CHD1: variants seen among roughly 807,000 people sequenced by gnomAD.
CHD1 encodes ATP-dependent chromatin remodeler CHD1.
In CHD1, 36 loss-of-function variants were observed where a neutral mutation model predicts 224.2. That is an observed-to-expected ratio of 0.16 (90% CI 0.12 to 0.21). The LOEUF (loss-of-function observed/expected upper bound fraction) is 0.21, where lower values mean the gene tolerates loss of function less well. Ranked by LOEUF, CHD1 falls within the 10% of genes least tolerant of loss-of-function variation. The pLI is 1.00. For missense variants in CHD1, 1,378 were observed against 1,994.8 expected (o/e 0.69, Z 5.89); for synonymous variants, 668 against 658.3 (o/e 1.01, Z -0.23).
chr5:98,897,957 C>G (rs1398247481), intron 10 of CHD1, among the ~76,000 whole-genome samples: 3 of 152,064 alleles, frequency 2.0e-5, no homozygotes, highest in African/African-American at 7.2e-5. Flanking sequence ...TCACCATAAC[C>G]AACTCATCTT....
intron 2 of CHD1, among the ~76,000 whole-genome samples, chr5:98,911,687 C>T (rs1412955763): frequency 1.3e-5 from 2 of 152,170 alleles, no homozygotes; most frequent in African/African-American, 2.4e-5. Flanking sequence ...CAACACGGTT[C>T]TCCAGCCTGG....
intron 2 of CHD1, among the ~76,000 whole-genome samples, chr5:98,923,692 C>T (rs1041673883): frequency 2.6e-5 from 4 of 152,124 alleles, no homozygotes; most frequent in Admixed American, 6.5e-5. Flanking sequence ...GGATTACAGG[C>T]GTAAGCCACC....
chr5:98,917,991 T>C lies in CHD1; in HGVS notation c.53+8343A>G, dbSNP rs192212960. Among the ~76,000 whole-genome samples, 69 of 152,274 alleles carry C rather than the reference T, an allele frequency of 4.5e-4. 4 individuals are homozygous for C. In the East Asian group the frequency reaches 7.9e-3, roughly 17 times the overall value. On this transcript the variant is annotated intron_variant, in intron 2 of 35. Transcript: ENST00000614616. The stretch of plus-strand genomic sequence containing the variant: ...ATTCACGTGGGGAATACAGTCCCCA[T>C]TGGCAGTGTTTTTTCTGCTATGCTT...
At chr5:98,883,680 C>T (rs1750365929) in intron 18 of CHD1, among the ~76,000 whole-genome samples, 1 of 151,404 alleles carries the variant, frequency 6.6e-6, no homozygotes, top group Non-Finnish European at 1.5e-5. Flanking sequence ...GCACAATTTG[C>T]AACTGCAACA....
chr5:98,918,139 G>C lies in CHD1; in HGVS notation c.53+8195C>G, dbSNP rs988140005. On this transcript the variant is annotated intron_variant, in intron 2 of 35. Transcript: ENST00000614616. Reference sequence around the variant, plus strand: ...GTGGCACGATCTCGGCTCACTGCAAGCTCTGCCTCCTGGGTTCATGCCATT... The same window carrying C: ...GTGGCACGATCTCGGCTCACTGCAACCTCTGCCTCCTGGGTTCATGCCATT... Among the ~76,000 whole-genome samples the C allele has an allele frequency of 6.6e-5, 10 of 151,064 alleles. 1 individual carries two copies. Among genetic ancestry groups the C allele is most frequent in the Admixed American group, 2.6e-4 (4 of 15,150 alleles).
chr5:98,889,139 G>A lies in CHD1; in HGVS notation c.2280C>T (p.Asn760=), dbSNP rs775722565. 1.9e-6 allele frequency: 3 copies of A among 1,606,888 alleles called. No homozygotes were observed. Among genetic ancestry groups the A allele is most frequent in the East Asian group, 2.2e-5 (1 of 44,810 alleles). The part of the protein sequence containing the change: ...NIMMELKKCC[N]HCYLIKPPDN... ...CTGGTGGTTTAATGAGGTAGCAATG[G>A]TTACAACATTTCTTTAGCTCCATCA... Residue 760 remains asparagine (N), a synonymous_variant, in exon 16 of 36, where the codon AAC becomes AAT. Coordinates refer to ENST00000614616, the MANE Select transcript of CHD1 (RefSeq NM_001270.4).
rs373556965 is a variant in CHD1, at chr5:98,868,546, T to G, written c.4197A>C (p.Pro1399=). The G allele has an allele frequency of 5.0e-6, 8 of 1,612,708 alleles. No individual in the cohort carries two copies. The highest frequency in any genetic ancestry group is 1.3e-5 in the African/African-American group (1 of 74,846). The change falls in exon 31 of 36, where the codon CCA becomes CCC. Residue 1399 remains proline (P), a synonymous_variant. Transcript: ENST00000614616. ...CTTCAGATTCTTCAGAAATGGGAAC[T>G]GGTTCACCACTTGCCGTGATATGAA... is the stretch of plus-strand genomic sequence containing the variant. ...APVHITASGE[P]VPISEESEEL... is the part of the protein sequence containing the mutation.
At chr5:98,860,354 C>A in intron 32 of CHD1, 2 of 344,642 alleles carry the variant, frequency 5.8e-6, no homozygotes, top group Non-Finnish European at 1.1e-5. Flanking sequence ...GCACCAAAGA[C>A]ATAAATTAAA....
chr5:98,871,849 A>G (rs754142473), intron 28 of CHD1, among the ~76,000 whole-genome samples: 15 of 152,314 alleles, frequency 9.8e-5, no homozygotes, highest in Non-Finnish European at 1.3e-4. Context: ...AATAACATAT[A>G]ATTTCACAGT....
rs1332564136 is a variant in CHD1 at position 98,873,671 on chromosome 5, G to C, written c.3493C>G (p.Leu1165Val). The C allele has an allele frequency of 6.2e-7, 1 of 1,609,516 alleles. No individual in the cohort carries two copies. The highest frequency in any genetic ancestry group is 1.3e-5 in the African/African-American group (1 of 74,686). Residue 1165 changes from leucine to valine, a missense_variant, in exon 26 of 36, where the codon CTT becomes GTT. By Grantham distance (32) the Leu-to-Val change is conservative. Transcript: ENST00000614616. Reference protein sequence around the residue: ...AELVDKSETDLRRLGELVHNG... With the variant: ...AELVDKSETDVRRLGELVHNG... ...TGTACCAATTCTCCCAGTCGTCTAA[G>C]GTCTGTTTCTGACTTATCAACTAAC...
At chr5:98,914,168 C>T (rs531483541) in intron 2 of CHD1, among the ~76,000 whole-genome samples, 31 of 152,254 alleles carry the variant, frequency 2.0e-4, no homozygotes, top group Non-Finnish European at 3.4e-4. Flanking sequence ...ACATCACAGC[C>T]TTAAAAATGA....
chr5:98,914,385 A>G (rs1752612640), intron 2 of CHD1, among the ~76,000 whole-genome samples: 1 of 152,166 alleles, frequency 6.6e-6, no homozygotes, highest in Admixed American at 6.6e-5. Flanking sequence ...TAGCTAACAC[A>G]CTGTACTAAC....
chr5:98,881,150 A>G lies in CHD1; in HGVS notation c.2986T>C (p.Leu996=), dbSNP rs1200049473. 4 of 1,604,706 alleles carry G rather than the reference A, an allele frequency of 2.5e-6. No individual in the cohort carries two copies. Among genetic ancestry groups the G allele is most frequent in the Non-Finnish European group, 3.4e-6 (4 of 1,173,698 alleles). ...EPQEMDIDEI[L]KRAETHENEP... is the part of the protein sequence containing the mutation. ...TTTTCATGAGTTTCAGCTCTCTTCA[A>G]GATTTCATCTATATCCATTTCCTAT... Residue 996 remains leucine, a synonymous_variant, in exon 22 of 36, where the codon TTG becomes CTG. Transcript: ENST00000614616.
In CHD1 at chr5:98,870,414, C is replaced by T. The variant is rs3777005; in HGVS notation, c.3978+273G>A. ...AGGCTTGACTTCTCAAAAAGTACTC[C>T]GCACGCTAAACGAGTTTTCTCTATC... On this transcript the variant is annotated intron_variant, in intron 29 of 35. Transcript: ENST00000614616. Among the ~76,000 whole-genome samples, 517 of 151,840 alleles carry T rather than the reference C, an allele frequency of 3.4e-3. 8 individuals are homozygous for T. The highest frequency in any genetic ancestry group is 0.034 in the East Asian group (175 of 5,164).
intron 2 of CHD1, among the ~76,000 whole-genome samples, chr5:98,912,067 A>C (rs909106504): frequency 1.3e-5 from 2 of 152,154 alleles, no homozygotes; most frequent in South Asian, 2.1e-4. Flanking sequence ...AAGAAAAAAA[A>C]ATTAAAAAAT....
chr5:98,911,166 TATATATATATAG>T (rs1561540143), intron 2 of CHD1, among the ~76,000 whole-genome samples: 1 of 131,338 alleles, frequency 7.6e-6, no homozygotes, highest in Admixed American at 7.7e-5. Context: ...TATATATATA[TATATATATATAG>T]AGGCATGTCA....
At chr5:98,921,941 G>A (rs189875273) in intron 2 of CHD1, among the ~76,000 whole-genome samples, 2 of 152,232 alleles carry the variant, frequency 1.3e-5, no homozygotes, top group East Asian at 3.9e-4. Flanking sequence ...CACAAGGTCA[G>A]GAGTTCAAGA....
At chr5:98,882,185 G>T in intron 19 of CHD1, 62 bp from the exon 20 acceptor site, 1 of 1,412,238 alleles carries the variant, frequency 7.1e-7, no homozygotes, top group Non-Finnish European at 9.7e-7. Flanking sequence ...CTAACCTCAA[G>T]TGCCTAAACA....
intron 2 of CHD1, among the ~76,000 whole-genome samples, chr5:98,909,667 T>C (rs1015521883): frequency 4.6e-5 from 7 of 152,208 alleles, no homozygotes; most frequent in Admixed American, 6.5e-5. Flanking sequence ...CTCTGAGGTA[T>C]AGTTCATGAA....
Sources: gnomAD v4.1 joint callset for allele counts (sites outside exome capture counted in the v4.1 genomes callset) on GRCh38, gnomAD v4.1.1 for gene constraint, MANE v1.5 for transcripts, NCBI Gene and HGNC (gene_info 2026-07-23, HGNC 2026-07-21) for gene names.